Variants in C6 observed in about 807,000 individuals in gnomAD.
C6 encodes complement C6.
Under a neutral mutation model 112.9 loss-of-function variants are expected in C6, and 101 were observed. The observed-to-expected ratio is 0.89, with a 90% CI of 0.76 to 1.06. The LOEUF is 1.06. Among genes scored for constraint, C6 ranks in the 50% least tolerant of loss-of-function variants. C6 has a pLI of 0.00. For synonymous variants in C6, 431 were observed against 384.1 expected, an observed-to-expected ratio of 1.12 and a Z score of -1.43; for missense variants, 1,202 against 1,104.6, an observed-to-expected ratio of 1.09 and a Z score of -1.25.
chr5:41,229,408 C>CT (rs1283304695), intron 1 of C6, among the ~76,000 whole-genome samples: 1 of 151,150 alleles, frequency 6.6e-6, no homozygotes, highest in Non-Finnish European at 1.5e-5. Context: ...ATATTTTTAG[C>CT]TTTTCTTTTT....
chr5:41,199,024 G>A (rs1750813288), intron 4 of C6, among the ~76,000 whole-genome samples: 1 of 152,128 alleles, frequency 6.6e-6, no homozygotes, highest in African/African-American at 2.4e-5. Flanking sequence ...GAGGTGGATA[G>A]GGGAAAACCC....
At chr5:41,161,393 GA>G (rs1409859107) in intron 10 of C6, among the ~76,000 whole-genome samples, 2 of 152,034 alleles carry the variant, frequency 1.3e-5, no homozygotes, top group East Asian at 3.9e-4. Context: ...TTGTATACAT[GA>G]AAAAATAAAA....
chr5:41,226,182 G>A (rs1193663760), intron 1 of C6, among the ~76,000 whole-genome samples: 1 of 152,094 alleles, frequency 6.6e-6, no homozygotes, highest in Non-Finnish European at 1.5e-5. Flanking sequence ...AGAATGGGAG[G>A]AAATTTTTGC....
At chr5:41,256,544 A>G (rs1396210268) in intron 1 of C6, among the ~76,000 whole-genome samples, 1 of 151,822 alleles carries the variant, frequency 6.6e-6, no homozygotes, top group African/African-American at 2.4e-5. Flanking sequence ...CAGTTACTGA[A>G]ATCAGAGGGC....
At chr5:41,258,767 T>C (rs1381659104) in intron 1 of C6, among the ~76,000 whole-genome samples, 1 of 152,118 alleles carries the variant, frequency 6.6e-6, no homozygotes, top group African/African-American at 2.4e-5. Context: ...TTAGGAAAAT[T>C]AACAATCATG....
intron 1 of C6, among the ~76,000 whole-genome samples, chr5:41,230,253 T>G (rs999540050): frequency 2.0e-5 from 3 of 152,042 alleles, no homozygotes; most frequent in Non-Finnish European, 2.9e-5. Flanking sequence ...TCTGACTGAC[T>G]GGGGGGTTGG....
chr5:41,225,486 G>C (rs975306866), intron 1 of C6, among the ~76,000 whole-genome samples: 1 of 152,064 alleles, frequency 6.6e-6, no homozygotes, highest in Non-Finnish European at 1.5e-5. Context: ...ATTTGGGTTG[G>C]TTCCAAGTCT....
chr5:41,245,441 G>A (rs941847961), intron 1 of C6, among the ~76,000 whole-genome samples: 1 of 152,010 alleles, frequency 6.6e-6, no homozygotes, highest in Non-Finnish European at 1.5e-5. Flanking sequence ...AGAATCGCTT[G>A]AACTCATGGG....
At chr5:41,158,885 TATATGTATTAA>T in intron 12 of C6, 100 bp from the exon 13 acceptor site, 1 of 957,408 alleles carries the variant, frequency 1.0e-6, no homozygotes, top group Non-Finnish European at 1.7e-6. Flanking sequence ...ATTGCATACA[TATATGTATTAA>T]ATAGAAAACA....
chr5:41,194,419 C>T (rs1480345450), intron 5 of C6, among the ~76,000 whole-genome samples: 3 of 152,120 alleles, frequency 2.0e-5, no homozygotes, highest in African/African-American at 7.2e-5. Flanking sequence ...ATTTAGAACT[C>T]AGCTCCTCTT....
rs766437646 is a variant in C6, at chr5:41,149,422, G to C, written c.2442C>G (p.Pro814=). Reference sequence around the variant, plus strand: ...ATTTCTCAGCCAAAAACTTACAAGCGGGTGAAGTAAAGTAATCGTTGGAGT... The same window carrying C: ...ATTTCTCAGCCAAAAACTTACAAGCCGGTGAAGTAAAGTAATCGTTGGAGT... ...DTDSNDYFTS[P]ACKFLAEKCL... is the part of the protein sequence containing the mutation. The change falls in exon 17 of 18, where the codon CCC becomes CCG. Residue 814 remains proline, a synonymous_variant. Coordinates refer to ENST00000337836, the MANE Select transcript of C6 (RefSeq NM_000065.5). The C allele has an allele frequency of 9.9e-6, 16 of 1,613,870 alleles. No individual in the cohort carries two copies. Among genetic ancestry groups the C allele is most frequent in the Non-Finnish European group, 1.4e-5 (16 of 1,179,920 alleles).
intron 7 of C6, among the ~76,000 whole-genome samples, chr5:41,179,900 C>T (rs1265969229): frequency 6.6e-6 from 1 of 151,742 alleles, no homozygotes; most frequent in Non-Finnish European, 1.5e-5. Flanking sequence ...ATTTCAGTTC[C>T]CAACTCTAGC....
At chr5:41,255,085 G>C (rs1741601434) in intron 1 of C6, among the ~76,000 whole-genome samples, 1 of 152,194 alleles carries the variant, frequency 6.6e-6, no homozygotes, top group African/African-American at 2.4e-5. Flanking sequence ...GTCTTGGCCA[G>C]GCATGGTGGC....
chr5:41,184,194 C>T (rs1230546243), intron 6 of C6, among the ~76,000 whole-genome samples: 1 of 151,994 alleles, frequency 6.6e-6, no homozygotes, highest in Non-Finnish European at 1.5e-5. Flanking sequence ...GAAAAGTTAA[C>T]AGTTGACTCT....
chr5:41,146,916 G>T (rs796464176), intron 17 of C6, among the ~76,000 whole-genome samples: 107 of 150,050 alleles, frequency 7.1e-4, no homozygotes, highest in African/African-American at 2.5e-3. Context: ...AAAAAGGGAA[G>T]ATAGCAAAAA....
intron 5 of C6, among the ~76,000 whole-genome samples, chr5:41,191,388 G>T (rs1377668459): frequency 6.6e-6 from 1 of 152,058 alleles, no homozygotes; most frequent in Non-Finnish European, 1.5e-5. Context: ...GATTGCTTTG[G>T]CTATTAAGGT....
At chr5:41,169,804 C>T (rs542763307) in intron 9 of C6, among the ~76,000 whole-genome samples, 1 of 152,264 alleles carries the variant, frequency 6.6e-6, no homozygotes, top group African/African-American at 2.4e-5. Context: ...TCACCTCCCA[C>T]CAGACCCCTC....
chr5:41,188,413 T>A (rs72753982), intron 5 of C6, among the ~76,000 whole-genome samples: 6,415 of 152,156 alleles, frequency 0.042, 197 homozygotes, highest in Middle Eastern at 0.13. Context: ...AGTACTGGCA[T>A]GAGGATAGAC....
chr5:41,259,914 G>A (rs1225878546), intron 1 of C6, among the ~76,000 whole-genome samples: 1 of 152,130 alleles, frequency 6.6e-6, no homozygotes, highest in Non-Finnish European at 1.5e-5. Flanking sequence ...GGATTATTTG[G>A]CATGTCTGGC....
Sources: gnomAD v4.1 joint callset for allele counts (sites outside exome capture counted in the v4.1 genomes callset) on GRCh38, gnomAD v4.1.1 for gene constraint, MANE v1.5 for transcripts, NCBI Gene and HGNC (gene_info 2026-07-23, HGNC 2026-07-21) for gene names.